PCDH15: variants seen among roughly 807,000 people sequenced by gnomAD.
PCDH15 encodes the protein protocadherin-15.
In PCDH15, 129 loss-of-function variants were observed where a neutral mutation model predicts 178.5. The ratio of observed to expected loss-of-function variants is 0.72; its 90% CI spans 0.63 to 0.84. PCDH15 has a LOEUF of 0.84. Among genes scored for constraint, PCDH15 ranks in the 40% least tolerant of loss-of-function variants. The pLI, the probability that PCDH15 is intolerant of heterozygous loss-of-function variation, is 0.00. For missense variants in PCDH15, 2,230 were observed against 2,099.9 expected (o/e 1.06, Z -1.21); for synonymous variants, 800 against 732.0 (o/e 1.09, Z -1.50).
At chr10:55,246,562 A>C (rs1308085316) in intron 1 of PCDH15, among the ~76,000 whole-genome samples, 1 of 152,216 alleles carries the variant, frequency 6.6e-6, no homozygotes, top group Non-Finnish European at 1.5e-5. Flanking sequence ...TGGGTAATAA[A>C]TTCCAATTTA....
chr10:55,257,220 T>C (rs1265693906), intron 1 of PCDH15, among the ~76,000 whole-genome samples: 1 of 151,926 alleles, frequency 6.6e-6, no homozygotes, highest in Non-Finnish European at 1.5e-5. Context: ...CAAAACACCA[T>C]CTGTATGCCA....
chr10:54,805,933 T>C (rs992306742), upstream of PCDH15, among the ~76,000 whole-genome samples: 2 of 152,212 alleles, frequency 1.3e-5, no homozygotes, highest in Admixed American at 6.5e-5. Context: ...AGCATTTCTG[T>C]TGGGCTTTCA....
At chr10:54,815,117 G>A (rs1952927490) in intron 3 of PCDH15, among the ~76,000 whole-genome samples, 1 of 149,932 alleles carries the variant, frequency 6.7e-6, no homozygotes, top group Admixed American at 6.7e-5. Flanking sequence ...CCACTTATAT[G>A]TGGATTTTTG....
At chr10:54,088,983 G>T (rs923230267) in intron 16 of PCDH15, among the ~76,000 whole-genome samples, 3 of 151,888 alleles carry the variant, frequency 2.0e-5, no homozygotes, top group Non-Finnish European at 4.4e-5. Flanking sequence ...GCTAATTTTT[G>T]ATTTCTACAT....
intron 26 of PCDH15, among the ~76,000 whole-genome samples, chr10:53,886,374 C>T (rs775792781): frequency 3.3e-5 from 5 of 152,092 alleles, no homozygotes; most frequent in African/African-American, 9.7e-5. Context: ...TTTTGGAAAA[C>T]GGTTAGACTT....
chr10:55,243,975 T>A (rs967281916), intron 1 of PCDH15, among the ~76,000 whole-genome samples: 14 of 152,168 alleles, frequency 9.2e-5, no homozygotes, highest in African/African-American at 3.1e-4. Context: ...AACTTTGTAG[T>A]CTTGGATATA....
chr10:53,870,463 C>G (rs111940950), intron 26 of PCDH15, among the ~76,000 whole-genome samples: 1 of 152,046 alleles, frequency 6.6e-6, no homozygotes, highest in Non-Finnish European at 1.5e-5. Flanking sequence ...ATTTTTATTT[C>G]TTTGAATGAA....
intron 3 of PCDH15, among the ~76,000 whole-genome samples, chr10:54,428,638 G>A (rs1373855996): frequency 6.6e-6 from 1 of 151,972 alleles, no homozygotes; most frequent in Non-Finnish European, 1.5e-5. Flanking sequence ...TGAGGCATTC[G>A]ATAATCATAC....
chr10:54,852,383 A>G (rs1953638216), intron 3 of PCDH15, among the ~76,000 whole-genome samples: 1 of 152,172 alleles, frequency 6.6e-6, no homozygotes, highest in Non-Finnish European at 1.5e-5. Context: ...GATTACTGCA[A>G]TAGAAGGTGG....
intron 3 of PCDH15, among the ~76,000 whole-genome samples, chr10:54,473,172 G>A (rs1278584003): frequency 6.6e-6 from 1 of 152,112 alleles, no homozygotes; most frequent in Non-Finnish European, 1.5e-5. Flanking sequence ...AGCTTAAAGT[G>A]AATGCAAACA....
intron 2 of PCDH15, among the ~76,000 whole-genome samples, chr10:54,650,815 G>T (rs2094242056): frequency 6.6e-6 from 1 of 151,980 alleles, no homozygotes; most frequent in South Asian, 2.1e-4. Flanking sequence ...AACAGTACTG[G>T]GGAAACAGCC....
chr10:55,137,394 C>T (rs1857447), intron 2 of PCDH15, among the ~76,000 whole-genome samples: 145,398 of 152,176 alleles, frequency 0.96, 69,705 homozygotes, highest in Middle Eastern at 1. Flanking sequence ...TGAAAGGCTA[C>T]ACCATGTAGC....
At chr10:53,919,719 G>A (rs7089762) in intron 25 of PCDH15, among the ~76,000 whole-genome samples, 104,691 of 151,292 alleles carry the variant, frequency 0.69, 36,766 homozygotes, top group East Asian at 1. Context: ...GTAATCCTTG[G>A]ATTTGTGATT....
chr10:54,315,978 GT>G (rs67038949), intron 8 of PCDH15, among the ~76,000 whole-genome samples: 65,526 of 146,372 alleles, frequency 0.45, 15,027 homozygotes, highest in Middle Eastern at 0.6. Context: ...TTTGGGTTTT[GT>G]TTTTTTTTTT....
At chr10:55,555,680 C>T (rs1260383594) in intron 2 of PCDH15, among the ~76,000 whole-genome samples, 1 of 152,056 alleles carries the variant, frequency 6.6e-6, no homozygotes, top group Admixed American at 6.6e-5. Flanking sequence ...CTTTGAACTT[C>T]TGCAATCTTT....
At chr10:54,598,030 T>C (rs1033481206) in intron 2 of PCDH15, among the ~76,000 whole-genome samples, 1 of 152,064 alleles carries the variant, frequency 6.6e-6, no homozygotes, top group Non-Finnish European at 1.5e-5. Flanking sequence ...ACCAGATGAA[T>C]TCACTTCTGA....
At chr10:54,422,305 A>G (rs1955628073) in intron 3 of PCDH15, among the ~76,000 whole-genome samples, 1 of 152,042 alleles carries the variant, frequency 6.6e-6, no homozygotes, top group African/African-American at 2.4e-5. Context: ...CTATGCTTCA[A>G]TTTCCTCATC....
At chr10:55,174,445 G>A (rs1402835702) in intron 1 of PCDH15, among the ~76,000 whole-genome samples, 1 of 152,194 alleles carries the variant, frequency 6.6e-6, no homozygotes, top group Non-Finnish European at 1.5e-5. Flanking sequence ...GGACAGAGAA[G>A]CTTGGCCTCC....
At chr10:54,975,804 T>A (rs1038437477) in intron 2 of PCDH15, among the ~76,000 whole-genome samples, 4 of 152,076 alleles carry the variant, frequency 2.6e-5, no homozygotes, top group African/African-American at 9.7e-5. Context: ...AAAAGGAAAG[T>A]GTCAAGGAAA....
Sources: gnomAD v4.1 joint callset for allele counts (sites outside exome capture counted in the v4.1 genomes callset) on GRCh38, gnomAD v4.1.1 for gene constraint, MANE v1.5 for transcripts, NCBI Gene and HGNC (gene_info 2026-07-23, HGNC 2026-07-21) for gene names.